ARHGAP28: variants seen among roughly 807,000 people sequenced by gnomAD.
ARHGAP28 encodes Rho GTPase activating protein 28.
A neutral mutation model predicts 90.7 loss-of-function variants in ARHGAP28; 56 were observed. The ratio of observed to expected loss-of-function variants is 0.62; its 90% confidence interval spans 0.50 to 0.77. The LOEUF (loss-of-function observed/expected upper bound fraction) is 0.77. ARHGAP28 is among the 30% of genes least tolerant of loss of function. ARHGAP28 has a pLI of 0.00. For synonymous variants in ARHGAP28, 308 were observed against 323.3 expected (o/e 0.95, Z 0.51); for missense variants, 869 against 900.9 (o/e 0.96, Z 0.45).
At chr18:6,809,444 T>C (rs2056541154) in intron 1 of ARHGAP28, among the ~76,000 whole-genome samples, 2 of 151,984 alleles carry the variant, frequency 1.3e-5, no homozygotes, top group African/African-American at 4.8e-5. Flanking sequence ...TGAGACTGGG[T>C]AATTTATAAA....
chr18:6,809,958 T>A, intron 1 of ARHGAP28, among the ~76,000 whole-genome samples: 1 of 152,358 alleles, frequency 6.6e-6, no homozygotes, highest in Middle Eastern at 3.4e-3. Flanking sequence ...TTATAGTCAG[T>A]AAATTTCTTC....
chr18:6,909,590 G>T (rs573972256), intron 17 of ARHGAP28, among the ~76,000 whole-genome samples: 1 of 152,066 alleles, frequency 6.6e-6, no homozygotes, highest in Non-Finnish European at 1.5e-5. Flanking sequence ...ACTGCGCCTG[G>T]CTGGCTTCGG....
At chr18:6,827,792 C>T (rs907063145) in intron 2 of ARHGAP28, among the ~76,000 whole-genome samples, 1 of 150,764 alleles carries the variant, frequency 6.6e-6, no homozygotes, top group Non-Finnish European at 1.5e-5. Context: ...TCAGACGGGG[C>T]GGCCGGGCAG....
chr18:6,739,085 G>A (rs988666667), intron 1 of ARHGAP28, among the ~76,000 whole-genome samples: 3 of 152,170 alleles, frequency 2.0e-5, no homozygotes, highest in Admixed American at 2.0e-4. Flanking sequence ...GAAGCACAGA[G>A]AAGTAACCCA....
At chr18:6,856,630 C>T (rs2056956366) in intron 4 of ARHGAP28, among the ~76,000 whole-genome samples, 1 of 152,154 alleles carries the variant, frequency 6.6e-6, no homozygotes, top group Non-Finnish European at 1.5e-5. Flanking sequence ...CCTCCTCAGC[C>T]TCTCAAGTAG....
At chr18:6,752,920 C>G (rs2056081197) in intron 1 of ARHGAP28, among the ~76,000 whole-genome samples, 1 of 145,274 alleles carries the variant, frequency 6.9e-6, no homozygotes. Context: ...ATTTTATTTG[C>G]TTTCATTTTT....
At chr18:6,814,509 T>A (rs930690381) in intron 1 of ARHGAP28, among the ~76,000 whole-genome samples, 1 of 152,090 alleles carries the variant, frequency 6.6e-6, no homozygotes, top group Non-Finnish European at 1.5e-5. Context: ...AATGACTAGG[T>A]AATAATGGCA....
At chr18:6,845,349 A>G (rs1243074824) in intron 3 of ARHGAP28, among the ~76,000 whole-genome samples, 3 of 152,208 alleles carry the variant, frequency 2.0e-5, no homozygotes, top group Non-Finnish European at 4.4e-5. Context: ...GACATGAGCC[A>G]CCATGCCCAG....
chr18:6,841,159 C>CACTGTCTCTCTCCTCTT (rs765748947), intron 3 of ARHGAP28, among the ~76,000 whole-genome samples: 18 of 92,270 alleles, frequency 2.0e-4, no homozygotes, highest in Non-Finnish European at 3.8e-4. Flanking sequence ...TCTCCTCTTT[C>CACTGTCTCTCTCCTCTT]TCTCTCTCCT....
intron 1 of ARHGAP28, among the ~76,000 whole-genome samples, chr18:6,741,169 A>C (rs1200008916): frequency 6.6e-6 from 1 of 152,232 alleles, no homozygotes; most frequent in Non-Finnish European, 1.5e-5. Flanking sequence ...ATCTTAAAAA[A>C]AAATTACTGA....
At chr18:6,867,483 A>C (rs973217476) in intron 5 of ARHGAP28, among the ~76,000 whole-genome samples, 3 of 152,128 alleles carry the variant, frequency 2.0e-5, no homozygotes, top group Admixed American at 1.3e-4. Flanking sequence ...ATTTTTACTG[A>C]TACCCATCCA....
chr18:6,862,798 T>C (rs1256829364), intron 5 of ARHGAP28, among the ~76,000 whole-genome samples: 1 of 152,204 alleles, frequency 6.6e-6, no homozygotes, highest in Non-Finnish European at 1.5e-5. Flanking sequence ...GGAATAATAA[T>C]TGTGTCTTTC....
At chr18:6,839,604 T>G (rs540581645) in intron 3 of ARHGAP28, among the ~76,000 whole-genome samples, 1 of 152,320 alleles carries the variant, frequency 6.6e-6, no homozygotes, top group South Asian at 2.1e-4. Context: ...GCCATAATTT[T>G]TTTAGATTAA....
In ARHGAP28 at chr18:6,837,307, G is replaced by A. The variant is rs1303424317; in HGVS notation, c.436G>A (p.Ala146Thr). The change falls in exon 3 of 18, where the codon GCA becomes ACA. Residue 146 changes from alanine (A) to threonine (T), a missense_variant. Coordinates refer to ENST00000383472, the MANE Select transcript of ARHGAP28 (RefSeq NM_001366230.1). Reference sequence around the variant, plus strand: ...GCTCTCCACATTGACTCGAACCCAAGCAGCTGCCGTGCAAAAGAGATACCA... The same window carrying A: ...GCTCTCCACATTGACTCGAACCCAAACAGCTGCCGTGCAAAAGAGATACCA... The part of the protein sequence containing the change: ...ALLSTLTRTQ[A>T]AAVQKRYHTY... 2 of 1,613,436 alleles carry A rather than the reference G, an allele frequency of 1.2e-6. No homozygotes were observed. Among genetic ancestry groups the A allele is most frequent in the Non-Finnish European group, 1.7e-6 (2 of 1,179,784 alleles).
intron 4 of ARHGAP28, among the ~76,000 whole-genome samples, chr18:6,859,095 C>CAA (rs5822927): frequency 6.0e-5 from 9 of 150,008 alleles, no homozygotes; most frequent in Admixed American, 6.0e-4. Flanking sequence ...ACAACAACAA[C>CAA]AAAAAACAAA....
intron 1 of ARHGAP28, among the ~76,000 whole-genome samples, chr18:6,783,607 T>C (rs2143501522): frequency 6.6e-6 from 1 of 152,212 alleles, no homozygotes; most frequent in South Asian, 2.1e-4. Context: ...GGCCTGGGTA[T>C]TTACTTTTAA....
rs1317874273 is a variant in ARHGAP28, at chr18:6,887,162, C to A, written c.1459C>A (p.Pro487Thr). The A allele has an allele frequency of 6.2e-7, 1 of 1,613,852 alleles. No individual in the cohort carries two copies. Among genetic ancestry groups the A allele is most frequent in the East Asian group, 2.2e-5 (1 of 44,870 alleles). ...PAFISLMERG[P>T]HVKVQFQALH... ...TATTTCTGTTTTCTTGTTAGGAGGG[C>A]CTCACGTCAAAGTACAGTTTCAAGC... The change falls in exon 12 of 18, where the codon CCT becomes ACT. Residue 487 changes from proline (P) to threonine (T), a missense_variant. Pro to Thr is a conservative substitution (Grantham distance 38). Transcript: ENST00000383472.
At chr18:6,899,865 C>T (rs894139633) in intron 16 of ARHGAP28, among the ~76,000 whole-genome samples, 15 of 152,088 alleles carry the variant, frequency 9.9e-5, no homozygotes, top group Non-Finnish European at 1.8e-4. Context: ...ACCAGTAAGC[C>T]CCAGTGGGGA....
intron 16 of ARHGAP28, among the ~76,000 whole-genome samples, chr18:6,906,854 A>G (rs539555778): frequency 1.3e-5 from 2 of 152,314 alleles, no homozygotes; most frequent in Non-Finnish European, 2.9e-5. Flanking sequence ...AAGGACTGGG[A>G]TGAAATATTT....
Sources: gnomAD v4.1 joint callset for allele counts (sites outside exome capture counted in the v4.1 genomes callset) on GRCh38, gnomAD v4.1.1 for gene constraint, MANE v1.5 for transcripts, NCBI Gene and HGNC (gene_info 2026-07-23, HGNC 2026-07-21) for gene names.